MDN1: variants seen among roughly 807,000 people sequenced by gnomAD.
MDN1 encodes midasin.
In MDN1, 266 loss-of-function variants were observed where a neutral mutation model predicts 669.2. The observed-to-expected ratio is 0.40, with a 90% CI of 0.36 to 0.44. The LOEUF is 0.44. MDN1 is among the 20% of genes least tolerant of loss of function. The pLI, the probability that MDN1 is intolerant of heterozygous loss-of-function variation, is 1.00. For missense variants in MDN1, 5,940 were observed against 6,754.0 expected (o/e 0.88, Z 4.22); for synonymous variants, 2,385 against 2,457.1 (o/e 0.97, Z 0.87).
chr6:89,690,630 A>G lies in MDN1; in HGVS notation c.10749+43T>C, dbSNP rs772852371. On this transcript the variant is annotated intron_variant, in intron 64 of 101. Transcript: ENST00000369393. ...CATCAGAGGGAATGTATATGGCATC[A>G]AGGGAATTCATTCCAAAACACACCC... is the stretch of plus-strand genomic sequence containing the variant. The G allele has an allele frequency of 4.3e-6, 7 of 1,609,572 alleles. No individual in the cohort carries two copies. In the South Asian group the frequency reaches 7.7e-5, roughly 18 times the overall value.
Position 89,698,899 on chromosome 6 carries a change from T to C in MDN1, c.9134A>G (p.Glu3045Gly), listed in dbSNP as rs116103426. ...WNPLPGMQQR[E>G]APKSVLDSTL... ...GGAGTCCAAAACAGACTTGGGTGCC[T>C]CCCTCTGCTGCATACCAGGCAAAGG... is the stretch of plus-strand genomic sequence containing the variant. The change falls in exon 59 of 102, where the codon GAG (glutamate) becomes GGG (glycine). Residue 3045 changes from glutamate to glycine, a missense_variant. By Grantham distance (98) the Glu-to-Gly change is moderately conservative. Coordinates refer to ENST00000369393, the MANE Select transcript of MDN1 (RefSeq NM_014611.3). The C allele has an allele frequency of 2.0e-3, 3,213 of 1,614,118 alleles. 6 individuals carry two copies. Among genetic ancestry groups the C allele is most frequent in the Non-Finnish European group, 2.5e-3 (2,926 of 1,180,000 alleles).
At chr6:89,746,779 A>G (rs1436840848) in intron 27 of MDN1, among the ~76,000 whole-genome samples, 1 of 152,182 alleles carries the variant, frequency 6.6e-6, no homozygotes, top group Non-Finnish European at 1.5e-5. Flanking sequence ...GCACTTTTCA[A>G]ATCAGAAGAT....
chr6:89,770,860 C>G (rs1214523998), intron 15 of MDN1, among the ~76,000 whole-genome samples: 1 of 152,162 alleles, frequency 6.6e-6, no homozygotes, highest in Non-Finnish European at 1.5e-5. Flanking sequence ...TGATTATATA[C>G]TTGCCTGCTT....
intron 63 of MDN1, among the ~76,000 whole-genome samples, chr6:89,691,994 T>A (rs1450663813): frequency 6.6e-6 from 1 of 152,168 alleles, no homozygotes; most frequent in South Asian, 2.1e-4. Flanking sequence ...TATATACACA[T>A]ACAAGCAAGC....
intron 5 of MDN1, among the ~76,000 whole-genome samples, chr6:89,791,462 G>A (rs187584126): frequency 2.6e-4 from 39 of 152,124 alleles, no homozygotes; most frequent in Middle Eastern, 3.4e-3. Context: ...CCTGGTATTT[G>A]CTTCTAAGTA....
chr6:89,729,333 T>C (rs558433476), intron 35 of MDN1, among the ~76,000 whole-genome samples, 194 bp from the exon 36 acceptor site: 27 of 152,232 alleles, frequency 1.8e-4, no homozygotes, highest in Non-Finnish European at 3.7e-4. Flanking sequence ...GAATATCCAA[T>C]AACACGTTTT....
chr6:89,786,792 G>A (rs1364831263), intron 8 of MDN1, among the ~76,000 whole-genome samples: 2 of 151,770 alleles, frequency 1.3e-5, no homozygotes, highest in Admixed American at 1.3e-4. Flanking sequence ...CCGTGTGGTG[G>A]CAGGTGCCTG....
chr6:89,677,554 A>G lies in MDN1; in HGVS notation c.12539+16T>C. ...CATTTATAAGTAGGGAAAAAACAAA[A>G]CAAAAACAGACAAACCTAGAATCAG... is the stretch of plus-strand genomic sequence containing the variant. On this transcript the variant is annotated intron_variant, in intron 76 of 101. Coordinates refer to ENST00000369393, the MANE Select transcript of MDN1 (RefSeq NM_014611.3). The G allele has an allele frequency of 6.2e-7, 1 of 1,612,690 alleles. No individual in the cohort carries two copies. Among genetic ancestry groups the G allele is most frequent in the Non-Finnish European group, 8.5e-7 (1 of 1,179,554 alleles).
At chr6:89,793,545 T>G (rs1819393754) in intron 5 of MDN1, among the ~76,000 whole-genome samples, 1 of 152,214 alleles carries the variant, frequency 6.6e-6, no homozygotes, top group African/African-American at 2.4e-5. Context: ...AGACCCCGTC[T>G]CTACAATTTA....
chr6:89,722,705 G>T (rs1309218727), intron 40 of MDN1, among the ~76,000 whole-genome samples: 1 of 152,050 alleles, frequency 6.6e-6, no homozygotes, highest in Non-Finnish European at 1.5e-5. Context: ...AAATTAGCCG[G>T]AACTGGTGGC....
chr6:89,665,632 G>A lies in MDN1; in HGVS notation c.14095-1004C>T, dbSNP rs967922385. 2.7e-5 allele frequency among the ~76,000 whole-genome samples: 4 copies of A among 150,072 alleles called. 1 individual carries two copies. The highest frequency in any genetic ancestry group is 9.8e-5 in the African/African-American group (4 of 40,722). On this transcript the variant is annotated intron_variant, in intron 84 of 101. Coordinates refer to ENST00000369393, the MANE Select transcript of MDN1 (RefSeq NM_014611.3). Reference sequence around the variant, plus strand: ...TGAGGCGGGATAACTGCTTGAATCCGGGAGGTGGAGGTTGTGGCAAGCTGA... The same window carrying A: ...TGAGGCGGGATAACTGCTTGAATCCAGGAGGTGGAGGTTGTGGCAAGCTGA...
In MDN1 at chr6:89,751,576, G is replaced by A. The variant is rs377039508; in HGVS notation, c.3082C>T (p.Pro1028Ser). 38 of 1,613,604 alleles carry A rather than the reference G, an allele frequency of 2.4e-5. No homozygotes were observed. The highest frequency in any genetic ancestry group is 3.1e-5 in the Non-Finnish European group (37 of 1,179,854). ...NVKSLLKQPIPEPKGGRLIQV... is the reference protein window; with the variant it reads ...NVKSLLKQPISEPKGGRLIQV... ...ATAAGCCGACCTCCTTTTGGCTCTG[G>A]AATAGGCTGAAAGACACAGAAGTTC... The change falls in exon 23 of 102, where the codon CCA becomes TCA. Residue 1028 changes from proline (P) to serine (S), a missense_variant. Physicochemically the swap from Pro to Ser is moderately conservative, Grantham distance 74. Transcript: ENST00000369393.
intron 100 of MDN1, among the ~76,000 whole-genome samples, chr6:89,645,887 A>G (rs1269098855): frequency 6.6e-6 from 1 of 152,192 alleles, no homozygotes; most frequent in Admixed American, 6.5e-5. Context: ...GAAAAGAACT[A>G]AATAATTGGC....
In MDN1 at chr6:89,674,210, G is replaced by C. The variant is rs1404728533; in HGVS notation, c.13141C>G (p.Gln4381Glu). 1 of 1,614,204 alleles carries C rather than the reference G, an allele frequency of 6.2e-7. No individual in the cohort carries two copies. The highest frequency in any genetic ancestry group is 8.5e-7 in the Non-Finnish European group (1 of 1,180,042). The part of the protein sequence containing the change: ...CRMRKQDHLW[Q>E]QSTTRLTEML... The stretch of plus-strand genomic sequence containing the variant: ...TCTGTTAATCTCGTAGTTGACTGTT[G>C]CCAAAGGTGATCCTGTTTCCGCATC... The change falls in exon 79 of 102, where the codon CAA becomes GAA. Residue 4381 changes from glutamine to glutamate, a missense_variant. Physicochemically the swap from Gln to Glu is conservative, Grantham distance 29 (BLOSUM62 2). This residue lies in a region of MDN1 where 2,280 missense variants were observed against 2,576.3 expected (regional missense o/e 0.88). Coordinates refer to ENST00000369393, the MANE Select transcript of MDN1 (RefSeq NM_014611.3).
At position 89,749,344 on chromosome 6, in the gene MDN1, C is replaced by T. The variant is rs1411367744; in HGVS notation, c.3641G>A (p.Arg1214Gln). The change falls in exon 26 of 102, where the codon CGG becomes CAG. Residue 1214 changes from arginine (R) to glutamine (Q), a missense_variant. Physicochemically the swap from Arg to Gln is conservative, Grantham distance 43. Transcript: ENST00000369393. ...RKVLSRAFRNRFVELHFDELP... is the reference protein window; with the variant it reads ...RKVLSRAFRNQFVELHFDELP... Reference sequence around the variant, plus strand: ...CTCATCAAAGTGCAATTCCACAAACCGATTCCTGAAGGCTCTAGAAAGGAC... The same window carrying T: ...CTCATCAAAGTGCAATTCCACAAACTGATTCCTGAAGGCTCTAGAAAGGAC... 6.2e-7 allele frequency: 1 copy of T among 1,614,060 alleles called. No individual in the cohort carries two copies. Among genetic ancestry groups the T allele is most frequent in the Non-Finnish European group, 8.5e-7 (1 of 1,179,986 alleles).
rs111497546 is a variant in MDN1 at position 89,803,802 on chromosome 6, C to T, written c.103-248G>A. Among the ~76,000 whole-genome samples the T allele has an allele frequency of 2.8e-4, 43 of 151,432 alleles. 1 individual carries two copies. The highest frequency in any genetic ancestry group is 9.7e-4 in the East Asian group (5 of 5,134). On this transcript the variant is annotated intron_variant, in intron 1 of 101. Transcript: ENST00000369393. ...TTCACCATGTTAGCCAGGATGGTCT[C>T]GATCTCCTGACCTCGTGATCCGCCC... is the stretch of plus-strand genomic sequence containing the variant.
intron 51 of MDN1, 42 bp downstream of exon 51, chr6:89,708,454 C>A (rs200218221): frequency 1.2e-6 from 2 of 1,604,240 alleles, no homozygotes; most frequent in Non-Finnish European, 1.7e-6. Flanking sequence ...ATCCGAGAAG[C>A]CAGTGAGGCA....
chr6:89,742,635 C>G (rs1442746312), intron 31 of MDN1, among the ~76,000 whole-genome samples: 1 of 152,146 alleles, frequency 6.6e-6, no homozygotes, highest in East Asian at 1.9e-4. Context: ...GATATGTAAA[C>G]TATACCTCAA....
chr6:89,699,611 T>C lies in MDN1; in HGVS notation c.8987A>G (p.His2996Arg), dbSNP rs770255344. The stretch of plus-strand genomic sequence containing the variant: ...TATTGTGATTTTTACCTTCTGATGA[T>C]GCAGCAAGGACCACAGATCTCGAAG... ...QELRDLWSLL[H>R]HQKVSPEEIT... Residue 2996 changes from histidine to arginine, a missense_variant, in exon 58 of 102, where the codon CAT (histidine) becomes CGT (arginine). Coordinates refer to ENST00000369393, the MANE Select transcript of MDN1 (RefSeq NM_014611.3). The C allele has an allele frequency of 6.2e-7, 1 of 1,612,844 alleles. No homozygotes were observed. The highest frequency in any genetic ancestry group is 8.5e-7 in the Non-Finnish European group (1 of 1,179,470).
Sources: allele counts gnomAD v4.1 joint callset (sites outside exome capture counted in the v4.1 genomes callset), GRCh38; gene constraint gnomAD v4.1.1; regional missense constraint gnomAD v4.1.1; transcripts MANE v1.5; gene names NCBI Gene and HGNC (gene_info 2026-07-23, HGNC 2026-07-21).